The following KSR2 variants were observed in gnomAD, a reference collection of about 807,000 sequenced individuals.
KSR2 encodes kinase suppressor of ras 2.
In KSR2, 25 loss-of-function variants were observed where a neutral mutation model predicts 107.8. That is an observed-to-expected ratio of 0.23 (90% CI 0.17 to 0.32). The LOEUF is 0.32. KSR2 is among the 10% of genes least tolerant of loss of function. KSR2 has a pLI of 1.00. For synonymous variants in KSR2, 480 were observed against 507.0 expected (o/e 0.95, Z 0.71); for missense variants, 887 against 1,268.9 (o/e 0.70, Z 4.57).
At chr12:117,843,407 C>T (rs1892570448) in intron 3 of KSR2, among the ~76,000 whole-genome samples, 1 of 152,216 alleles carries the variant, frequency 6.6e-6, no homozygotes, top group Non-Finnish European at 1.5e-5. Flanking sequence ...GACCTCATCT[C>T]CTATCTTCTG....
chr12:117,781,467 G>A (rs1956746771), intron 3 of KSR2, among the ~76,000 whole-genome samples: 1 of 152,142 alleles, frequency 6.6e-6, no homozygotes. Flanking sequence ...GAGGGAAGGG[G>A]GAAAGTGAGG....
chr12:117,615,729 G>A (rs769286920), intron 5 of KSR2, among the ~76,000 whole-genome samples: 2 of 152,132 alleles, frequency 1.3e-5, no homozygotes, highest in East Asian at 1.9e-4. Context: ...AGCCCCAAGC[G>A]ACATACTGAC....
chr12:117,672,150 G>A (rs758545579), intron 4 of KSR2, among the ~76,000 whole-genome samples: 13 of 152,204 alleles, frequency 8.5e-5, no homozygotes, highest in African/African-American at 4.8e-5. Flanking sequence ...AAAGCAAGGC[G>A]GTGGGGGGAG....
chr12:117,730,964 C>T (rs1180947867), intron 4 of KSR2, among the ~76,000 whole-genome samples: 2 of 151,716 alleles, frequency 1.3e-5, no homozygotes, highest in African/African-American at 2.4e-5. Flanking sequence ...TCTGCCTGGA[C>T]GTCCATCGTC....
At chr12:117,874,203 C>T (rs1262359848) in intron 1 of KSR2, among the ~76,000 whole-genome samples, 1 of 152,126 alleles carries the variant, frequency 6.6e-6, no homozygotes, top group Non-Finnish European at 1.5e-5. Context: ...CCTTGAGTAT[C>T]ATGACAATGC....
intron 1 of KSR2, among the ~76,000 whole-genome samples, chr12:117,908,646 A>C (rs1269025049): frequency 2.0e-5 from 3 of 152,188 alleles, no homozygotes; most frequent in Non-Finnish European, 4.4e-5. Context: ...TGCATGTGAA[A>C]TCATACAACT....
chr12:117,826,741 C>G (rs1891768493), intron 3 of KSR2, among the ~76,000 whole-genome samples: 1 of 151,628 alleles, frequency 6.6e-6, no homozygotes, highest in Admixed American at 6.6e-5. Flanking sequence ...CCGAGAGAGA[C>G]AGAACTGATT....
chr12:117,523,858 G>A (rs55684903), intron 14 of KSR2, among the ~76,000 whole-genome samples: 314 of 152,308 alleles, frequency 2.1e-3, no homozygotes, highest in African/African-American at 7.1e-3. Flanking sequence ...TGTAATCTCA[G>A]CTACTTAGGT....
intron 3 of KSR2, among the ~76,000 whole-genome samples, chr12:117,827,943 C>T (rs1401083089): frequency 1.3e-5 from 2 of 152,156 alleles, no homozygotes; most frequent in African/African-American, 4.8e-5. Context: ...ATGTATGACC[C>T]TTCCACAATT....
intron 4 of KSR2, among the ~76,000 whole-genome samples, chr12:117,701,894 A>G (rs1213120098): frequency 6.6e-6 from 1 of 152,220 alleles, no homozygotes; most frequent in Non-Finnish European, 1.5e-5. Context: ...CACCTTGCTC[A>G]GACTTCCAGT....
rs148204508 is a variant in KSR2, at chr12:117,628,015, C to T, written c.1171+39459G>A. 2.1e-3 allele frequency among the ~76,000 whole-genome samples: 324 copies of T among 152,272 alleles called. 1 individual carries two copies. Among genetic ancestry groups the T allele is most frequent in the African/African-American group, 7.0e-3 (289 of 41,552 alleles). On this transcript the variant is annotated intron_variant, in intron 5 of 19. Transcript: ENST00000339824. Reference sequence around the variant, plus strand: ...AATCAGCTATTGAAGTTTGTGCACGCGTCACGAAGTTCTCGTGCCATGGTT... The same window carrying T: ...AATCAGCTATTGAAGTTTGTGCACGTGTCACGAAGTTCTCGTGCCATGGTT...
intron 14 of KSR2, among the ~76,000 whole-genome samples, chr12:117,500,899 C>T (rs1873338239): frequency 6.6e-6 from 1 of 152,234 alleles, no homozygotes; most frequent in South Asian, 2.1e-4. Context: ...CGCTGGGCCA[C>T]CCCAGAACAT....
intron 4 of KSR2, among the ~76,000 whole-genome samples, chr12:117,750,787 C>T (rs1184116878): frequency 6.6e-6 from 1 of 152,150 alleles, no homozygotes; most frequent in Non-Finnish European, 1.5e-5. Flanking sequence ...TGTTAGTTTG[C>T]TTAGGATAAT....
At chr12:117,618,008 C>T (rs1881976760) in intron 5 of KSR2, among the ~76,000 whole-genome samples, 1 of 152,096 alleles carries the variant, frequency 6.6e-6, no homozygotes, top group South Asian at 2.1e-4. Context: ...CTGATTTTTG[C>T]TCCTGGTTTT....
intron 3 of KSR2, among the ~76,000 whole-genome samples, chr12:117,794,714 TACAC>T (rs1057511130): frequency 4.0e-5 from 6 of 149,978 alleles, no homozygotes; most frequent in African/African-American, 1.2e-4. Context: ...CATGCACACA[TACAC>T]ACCAATATGC....
intron 12 of KSR2, among the ~76,000 whole-genome samples, chr12:117,529,573 C>A (rs1454233522): frequency 1.3e-5 from 2 of 152,070 alleles, no homozygotes; most frequent in African/African-American, 4.8e-5. Context: ...GGGTCTGTTT[C>A]CTAAGGATGC....
intron 17 of KSR2, among the ~76,000 whole-genome samples, chr12:117,475,888 A>G (rs1000784931): frequency 6.6e-6 from 1 of 152,166 alleles, no homozygotes; most frequent in African/African-American, 2.4e-5. Context: ...AGTAACCTAT[A>G]CTCAGGCCCA....
intron 1 of KSR2, among the ~76,000 whole-genome samples, chr12:117,865,663 T>A (rs996269273): frequency 3.9e-5 from 6 of 151,996 alleles, no homozygotes; most frequent in Non-Finnish European, 5.9e-5. Context: ...AGCCTCAATT[T>A]CTTAAACAAA....
chr12:117,768,940 T>C (rs752343032), intron 3 of KSR2, among the ~76,000 whole-genome samples: 1 of 152,166 alleles, frequency 6.6e-6, no homozygotes, highest in Non-Finnish European at 1.5e-5. Context: ...GGACATTAAG[T>C]CCAGGCTGAT....
Sources: allele counts gnomAD v4.1 joint callset (sites outside exome capture counted in the v4.1 genomes callset), GRCh38; gene constraint gnomAD v4.1.1; transcripts MANE v1.5; gene names NCBI Gene and HGNC (gene_info 2026-07-23, HGNC 2026-07-21).